ADAM23: variants seen among roughly 807,000 people sequenced by gnomAD.
The protein encoded by ADAM23 is ADAM metallopeptidase domain 23, also known as disintegrin and metalloproteinase domain-containing protein 23.
Under a neutral mutation model 120.1 loss-of-function variants are expected in ADAM23, and 33 were observed. The ratio of observed to expected loss-of-function variants is 0.27; its 90% confidence interval spans 0.21 to 0.37. ADAM23 has a LOEUF of 0.37. Among genes scored for constraint, ADAM23 ranks in the 10% least tolerant of loss-of-function variants. The pLI is 1.00. For missense variants in ADAM23, 862 were observed against 1,058.2 expected, an observed-to-expected ratio of 0.81 and a Z score of 2.57; for synonymous variants, 367 against 375.2, an observed-to-expected ratio of 0.98 and a Z score of 0.25.
intron 9 of ADAM23, among the ~76,000 whole-genome samples, chr2:206,550,892 C>T (rs747215450): frequency 2.6e-5 from 4 of 152,166 alleles, no homozygotes; most frequent in Non-Finnish European, 4.4e-5. Context: ...TGAGCCACCG[C>T]GCCCGGCGAC....
intron 23 of ADAM23, 47 bp from the exon 24 acceptor site, chr2:206,596,004 C>A: frequency 6.9e-7 from 1 of 1,441,314 alleles, no homozygotes; most frequent in Non-Finnish European, 9.7e-7. Context: ...CACTATTATT[C>A]TACAAAATAC....
At chr2:206,547,978 A>G (rs1357979242) in intron 7 of ADAM23, among the ~76,000 whole-genome samples, 1 of 150,082 alleles carries the variant, frequency 6.7e-6, no homozygotes, top group Non-Finnish European at 1.5e-5. Context: ...ATTATTTTGA[A>G]TGCTAAAATG....
rs146231009 is a variant in ADAM23, at chr2:206,578,815, C to T, written c.1737+5620C>T. Among the ~76,000 whole-genome samples the T allele has an allele frequency of 3.1e-3, 465 of 152,288 alleles. 2 individuals carry two copies. Among genetic ancestry groups the T allele is most frequent in the African/African-American group, 0.011 (443 of 41,546 alleles). On this transcript the variant is annotated intron_variant, in intron 18 of 25. Transcript: ENST00000264377. ...TTTTTAGCTGTTTAAGGAATCTCCA[C>T]ACTGTTTTCCATAGTGGCGGTACTA...
chr2:206,559,967 C>A lies in ADAM23; in HGVS notation c.1018C>A (p.Gln340Lys). ...VNLVDSIYKE[Q>K]LNTRVVLVAV... ...TGTATACCCTCAGATTTACAAGGAG[C>A]AGCTCAACACCAGGGTTGTCCTGGT... The change falls in exon 11 of 26, where the codon CAG becomes AAG. Residue 340 changes from glutamine (Q) to lysine (K), a missense_variant. This residue lies in a region of ADAM23 where 617 missense variants were observed against 813.5 expected (regional missense o/e 0.76). Coordinates refer to ENST00000264377, the MANE Select transcript of ADAM23 (RefSeq NM_003812.4). 6.2e-7 allele frequency: 1 copy of A among 1,613,062 alleles called. No homozygotes were observed. The highest frequency in any genetic ancestry group is 8.5e-7 in the Non-Finnish European group (1 of 1,179,520).
chr2:206,507,770 T>C (rs73054231), intron 3 of ADAM23, among the ~76,000 whole-genome samples: 6,861 of 152,276 alleles, frequency 0.045, 527 homozygotes, highest in African/African-American at 0.16. Flanking sequence ...CTCACTGATA[T>C]AAAAATGCAA....
At chr2:206,475,760 T>TA (rs1164935140) in intron 2 of ADAM23, among the ~76,000 whole-genome samples, 1 of 151,996 alleles carries the variant, frequency 6.6e-6, no homozygotes, top group Non-Finnish European at 1.5e-5. Flanking sequence ...TGAAACATTA[T>TA]AAAATGTCCT....
In ADAM23 at chr2:206,619,698, C is replaced by T. The variant is rs2105872693; in HGVS notation, c.*2071C>T. On this transcript the variant is annotated 3_prime_UTR_variant, in exon 26 of 26. Transcript: ENST00000264377. Reference sequence around the variant, plus strand: ...CTGCTTAACACAGTGGGGTTTTTTTCCCCCGAGGTGTCTTTAACTGGGGAA... The same window carrying T: ...CTGCTTAACACAGTGGGGTTTTTTTTCCCCGAGGTGTCTTTAACTGGGGAA... 1 of 152,106 alleles carries T rather than the reference C, an allele frequency of 6.6e-6. No homozygotes were observed. Among genetic ancestry groups the T allele is most frequent in the Middle Eastern group, 3.4e-3 (1 of 294 alleles). 9.4% of individuals were successfully genotyped at this position (152,106 alleles called of 1,614,324 possible).
At chr2:206,512,120 T>C (rs1162005342) in intron 3 of ADAM23, among the ~76,000 whole-genome samples, 1 of 152,178 alleles carries the variant, frequency 6.6e-6, no homozygotes, top group Non-Finnish European at 1.5e-5. Context: ...CTGTAGGAAA[T>C]GGTGTAATGC....
rs184069332 is a variant in ADAM23 at position 206,552,907 on chromosome 2, A to T, written c.933+2747A>T. 1.2e-3 allele frequency among the ~76,000 whole-genome samples: 176 copies of T among 151,584 alleles called. 1 individual carries two copies. Among genetic ancestry groups the T allele is most frequent in the Non-Finnish European group, 5.2e-4 (35 of 67,896 alleles). The stretch of plus-strand genomic sequence containing the variant: ...GGTGTTGAGCTCCTGGACTCAAGTG[A>T]TCTGTCTGCTTCAACCTCCGAAAGT... On this transcript the variant is annotated intron_variant, in intron 9 of 25. Coordinates refer to ENST00000264377, the MANE Select transcript of ADAM23 (RefSeq NM_003812.4).
chr2:206,443,961 C>T lies in ADAM23; in HGVS notation c.95C>T (p.Ser32Leu), dbSNP rs1379130303. ...SCGPQRGPAGSVPASAPARTP... is the reference protein window; with the variant it reads ...SCGPQRGPAGLVPASAPARTP... The stretch of plus-strand genomic sequence containing the variant: ...GGCCCCCAACGCGGCCCCGCCGGCT[C>T]GGTGCCTGCCAGCGCCCCGGCCCGC... The change falls in exon 1 of 26, where the codon TCG (serine) becomes TTG (leucine). Residue 32 changes from serine (S) to leucine (L), a missense_variant. Coordinates refer to ENST00000264377, the MANE Select transcript of ADAM23 (RefSeq NM_003812.4). 1 of 1,298,524 alleles carries T rather than the reference C, an allele frequency of 7.7e-7. No individual in the cohort carries two copies. Among genetic ancestry groups the T allele is most frequent in the Non-Finnish European group, 9.7e-7 (1 of 1,025,896 alleles). 80.4% of individuals were successfully genotyped at this position (1,298,524 alleles called of 1,614,324 possible).
rs540382734 is a variant in ADAM23, at chr2:206,457,193, C to G, written c.432+11669C>G. ...ATAATATATTGCCTTTCTATGGAACCTGAATGGTTTTATTGAGGCACTTTC... is the reference window on the plus strand; with the variant it reads ...ATAATATATTGCCTTTCTATGGAACGTGAATGGTTTTATTGAGGCACTTTC... On this transcript the variant is annotated intron_variant, in intron 2 of 25. Transcript: ENST00000264377. Among the ~76,000 whole-genome samples, 20 of 152,260 alleles carry G rather than the reference C, an allele frequency of 1.3e-4. No homozygotes were observed. The South Asian group carries it at 3.7e-3, about 28-fold the overall frequency.
chr2:206,443,588 G>C lies in ADAM23; in HGVS notation c.-279G>C, dbSNP rs1329549017. 4 of 146,220 alleles carry C rather than the reference G, an allele frequency of 2.7e-5. No individual in the cohort carries two copies. Among genetic ancestry groups the C allele is most frequent in the African/African-American group, 9.8e-5 (4 of 40,698 alleles). The allele number at this position is 146,220 out of a possible 1,614,324, so 9.1% of individuals were successfully genotyped here. ...GCTGAAGCGGCCGCGCCCGCCGGGG[G>C]AGGGAGTAGCCGCTGGGGAGGCTCC... is the stretch of plus-strand genomic sequence containing the variant. On this transcript the variant is annotated 5_prime_UTR_variant, in exon 1 of 26. Coordinates refer to ENST00000264377, the MANE Select transcript of ADAM23 (RefSeq NM_003812.4).
chr2:206,539,809 T>A, intron 4 of ADAM23, among the ~76,000 whole-genome samples: 1 of 152,284 alleles, frequency 6.6e-6, no homozygotes, highest in Non-Finnish European at 1.5e-5. Flanking sequence ...CCAAATAATA[T>A]TTTTCCATAG....
intron 2 of ADAM23, among the ~76,000 whole-genome samples, chr2:206,448,658 A>G (rs559479365): frequency 2.6e-5 from 4 of 152,312 alleles, no homozygotes; most frequent in South Asian, 4.1e-4. Context: ...TTGATCACCA[A>G]TAGCCAGTGA....
rs920975809 is a variant in ADAM23, at chr2:206,594,654, G to T, written c.2079-83G>T. ...TCCACATCCACTGACAGCCTCTTCG[G>T]TTTTGTGAAGAGCAAGCCTCATTCA... On this transcript the variant is annotated intron_variant, in intron 22 of 25. Transcript: ENST00000264377. 2.0e-5 allele frequency: 30 copies of T among 1,525,686 alleles called. No homozygotes were observed. In the Admixed American group the frequency reaches 2.5e-4, roughly 13 times the overall value. 94.5% of individuals were successfully genotyped at this position (1,525,686 alleles called of 1,614,324 possible). A position where few individuals can be genotyped will look rare whatever the true frequency, so the allele number is the denominator to read the frequency against.
At chr2:206,579,373 G>T (rs1014322251) in intron 18 of ADAM23, among the ~76,000 whole-genome samples, 1 of 152,164 alleles carries the variant, frequency 6.6e-6, no homozygotes, top group Admixed American at 6.5e-5. Context: ...TCAGGTCTTA[G>T]GTTTAAGTCC....
chr2:206,460,160 G>T (rs1695386060), intron 2 of ADAM23, among the ~76,000 whole-genome samples: 1 of 151,444 alleles, frequency 6.6e-6, no homozygotes, highest in Admixed American at 6.6e-5. Flanking sequence ...AGAAAATTAG[G>T]CTACTGTTAG....
In ADAM23 at chr2:206,471,257, A is replaced by G. The variant is rs376303953; in HGVS notation, c.433-9975A>G. Among the ~76,000 whole-genome samples the G allele has an allele frequency of 6.8e-4, 103 of 152,356 alleles. 1 individual carries two copies. The South Asian group carries it at 0.018, about 27-fold the overall frequency. ...GTAGAACAATGCTAAAATGAACTGT[A>G]TAATTACTGTACCATAATTTTCATT... is the stretch of plus-strand genomic sequence containing the variant. On this transcript the variant is annotated intron_variant, in intron 2 of 25. Transcript: ENST00000264377.
At chr2:206,616,966 C>T (rs1052433364) in intron 25 of ADAM23, among the ~76,000 whole-genome samples, 23 of 152,268 alleles carry the variant, frequency 1.5e-4, no homozygotes, top group African/African-American at 5.3e-4. Flanking sequence ...CTTAACTAAC[C>T]TGAACCTGTG....
Sources: allele counts gnomAD v4.1 joint callset (sites outside exome capture counted in the v4.1 genomes callset), GRCh38; gene constraint gnomAD v4.1.1; regional missense constraint gnomAD v4.1.1; transcripts MANE v1.5; gene names NCBI Gene and HGNC (gene_info 2026-07-23, HGNC 2026-07-21).